Variants in KIF6 observed in about 807,000 individuals in gnomAD.
The protein encoded by KIF6 is kinesin-like protein KIF6.
In KIF6, 106 loss-of-function variants were observed where a neutral mutation model predicts 112.7. The observed-to-expected ratio is 0.94, with a 90% CI of 0.80 to 1.11. KIF6 has a LOEUF of 1.11. Among genes scored for constraint, KIF6 ranks in the 50% least tolerant of loss-of-function variants. The pLI, the probability that KIF6 is intolerant of heterozygous loss-of-function variation, is 0.00. For synonymous variants in KIF6, 339 were observed against 339.9 expected, an observed-to-expected ratio of 1.00 and a Z score of 0.03; for missense variants, 929 against 964.0, an observed-to-expected ratio of 0.96 and a Z score of 0.48.
intron 3 of KIF6, among the ~76,000 whole-genome samples, chr6:39,696,841 T>A (rs752857712): frequency 6.6e-6 from 1 of 151,890 alleles, no homozygotes; most frequent in Non-Finnish European, 1.5e-5. Context: ...AGGAACCTCA[T>A]ACATGTTAGC....
intron 11 of KIF6, among the ~76,000 whole-genome samples, 197 bp from the exon 12 acceptor site, chr6:39,544,890 C>T (rs1380810013): frequency 6.6e-6 from 1 of 152,150 alleles, no homozygotes; most frequent in South Asian, 2.1e-4. Flanking sequence ...CTTTCCCCTC[C>T]TCCTTCCTCA....
chr6:39,415,554 G>A (rs1769857899), intron 15 of KIF6, among the ~76,000 whole-genome samples: 1 of 152,208 alleles, frequency 6.6e-6, no homozygotes, highest in Non-Finnish European at 1.5e-5. Context: ...GTAATTTGGA[G>A]CTGGCAACAA....
At chr6:39,638,835 G>A (rs960744544) in intron 4 of KIF6, among the ~76,000 whole-genome samples, 1 of 152,074 alleles carries the variant, frequency 6.6e-6, no homozygotes, top group Non-Finnish European at 1.5e-5. Context: ...GAAACTCAGA[G>A]AAGGTATGTG....
chr6:39,351,877 G>A (rs1191807748), intron 19 of KIF6, among the ~76,000 whole-genome samples: 2 of 152,176 alleles, frequency 1.3e-5, no homozygotes, highest in Non-Finnish European at 2.9e-5. Context: ...AATCCTCCTC[G>A]TTGTGTTTTT....
At chr6:39,337,180 T>TTTCTTTCTTTCC (rs1363546038) in intron 22 of KIF6, among the ~76,000 whole-genome samples, 10 of 80,616 alleles carry the variant, frequency 1.2e-4, no homozygotes, top group African/African-American at 8.4e-4. Context: ...TCCTTCTTTC[T>TTTCTTTCTTTCC]TTCTTTCTTT....
Position 39,725,225 on chromosome 6 carries a change from C to T in KIF6, c.66+20G>A, listed in dbSNP as rs111403106. On this transcript the variant is annotated intron_variant, in intron 1 of 22. Transcript: ENST00000287152. ...CAAGAGGCCCCGCCGCGCCGGCGCC[C>T]CGGAGGCTCCAGCCCGTACCCCTTG... is the stretch of plus-strand genomic sequence containing the variant. The T allele has an allele frequency of 2.7e-4, 432 of 1,601,986 alleles. 1 individual carries two copies. The African/African-American group carries it at 4.8e-3, about 18-fold the overall frequency.
At chr6:39,373,132 G>C (rs1766154601) in intron 16 of KIF6, among the ~76,000 whole-genome samples, 1 of 152,190 alleles carries the variant, frequency 6.6e-6, no homozygotes, top group South Asian at 2.1e-4. Context: ...CTAGAATTTT[G>C]TCTTCTATAT....
rs150361768 is a variant in KIF6, at chr6:39,527,112, A to G, written c.1645+12891T>C. 6.6e-5 allele frequency among the ~76,000 whole-genome samples: 10 copies of G among 152,344 alleles called. No homozygotes were observed. In the East Asian group the frequency reaches 1.9e-3, roughly 29 times the overall value. On this transcript the variant is annotated intron_variant, in intron 13 of 22. Coordinates refer to ENST00000287152, the MANE Select transcript of KIF6 (RefSeq NM_145027.6). The stretch of plus-strand genomic sequence containing the variant: ...TGTAAGCAGTTTGTAAAGGCTTAAT[A>G]TACTCTTTGAGCAAGAGTAAAACAA...
At chr6:39,659,695 A>G (rs1178766458) in intron 3 of KIF6, among the ~76,000 whole-genome samples, 1 of 152,168 alleles carries the variant, frequency 6.6e-6, no homozygotes, top group African/African-American at 2.4e-5. Flanking sequence ...CCATGTGAAG[A>G]AGGACATGTT....
chr6:39,453,533 TTA>T (rs1037769775), intron 13 of KIF6, among the ~76,000 whole-genome samples: 2 of 152,228 alleles, frequency 1.3e-5, no homozygotes, highest in Non-Finnish European at 2.9e-5. Context: ...ACTGCTTTTC[TTA>T]TATCTTGACT....
At chr6:39,534,889 G>A (rs1246842830) in intron 13 of KIF6, among the ~76,000 whole-genome samples, 1 of 152,258 alleles carries the variant, frequency 6.6e-6, no homozygotes, top group Non-Finnish European at 1.5e-5. Flanking sequence ...CAAGCCAGAA[G>A]AGAGTGGGGG....
chr6:39,477,010 T>C (rs1774464360), intron 13 of KIF6, among the ~76,000 whole-genome samples: 1 of 152,212 alleles, frequency 6.6e-6, no homozygotes, highest in Admixed American at 6.5e-5. Context: ...ATCTACTTTG[T>C]AGCGAGGCAT....
At chr6:39,451,578 T>G (rs1256198853) in intron 13 of KIF6, among the ~76,000 whole-genome samples, 2 of 152,190 alleles carry the variant, frequency 1.3e-5, no homozygotes, top group African/African-American at 4.8e-5. Context: ...TTTTCCTGCC[T>G]GCAGTGGAAT....
intron 16 of KIF6, among the ~76,000 whole-genome samples, chr6:39,376,579 A>G (rs1375913557): frequency 6.6e-6 from 1 of 152,240 alleles, no homozygotes; most frequent in African/African-American, 2.4e-5. Flanking sequence ...CATTCATTCA[A>G]TAAACACTTA....
chr6:39,679,845 C>A (rs1787405085), intron 3 of KIF6, among the ~76,000 whole-genome samples: 1 of 151,662 alleles, frequency 6.6e-6, no homozygotes, highest in Non-Finnish European at 1.5e-5. Context: ...TCTCAATCTC[C>A]TGACCTCGTG....
chr6:39,502,644 A>G (rs982409897), intron 13 of KIF6, among the ~76,000 whole-genome samples: 1 of 152,212 alleles, frequency 6.6e-6, no homozygotes, highest in Non-Finnish European at 1.5e-5. Context: ...AAAGGGATGG[A>G]GGAAAATTTA....
At chr6:39,337,236 T>TTTC (rs1763073896) in intron 22 of KIF6, among the ~76,000 whole-genome samples, 1 of 92,024 alleles carries the variant, frequency 1.1e-5, no homozygotes, top group Non-Finnish European at 2.0e-5. Context: ...TCTTTCTTTC[T>TTTC]TTTTCTTTCT....
rs542141341 is a variant in KIF6 at position 39,529,535 on chromosome 6, C to T, written c.1645+10468G>A. Among the ~76,000 whole-genome samples the T allele has an allele frequency of 1.6e-4, 25 of 152,036 alleles. 1 individual carries two copies. Among genetic ancestry groups the T allele is most frequent in the Admixed American group, 2.6e-4 (4 of 15,290 alleles). On this transcript the variant is annotated intron_variant, in intron 13 of 22. Transcript: ENST00000287152. ...GGCGCAGTGGCTCATGCCTGTAATCCCAGCACTTTAGGAGGCCAAGGTGGG... is the reference window on the plus strand; with the variant it reads ...GGCGCAGTGGCTCATGCCTGTAATCTCAGCACTTTAGGAGGCCAAGGTGGG...
chr6:39,714,898 A>G (rs1329342403), intron 2 of KIF6, 132 bp from the exon 3 acceptor site: 5 of 648,844 alleles, frequency 7.7e-6, no homozygotes, highest in Non-Finnish European at 1.4e-5. Flanking sequence ...ACTTAGCACA[A>G]TGTTTGCCCT....
Sources: allele counts gnomAD v4.1 joint callset (sites outside exome capture counted in the v4.1 genomes callset), GRCh38; gene constraint gnomAD v4.1.1; transcripts MANE v1.5; gene names NCBI Gene and HGNC (gene_info 2026-07-23, HGNC 2026-07-21).